ADAMTSL1: variants seen among roughly 807,000 people sequenced by gnomAD.
The protein encoded by ADAMTSL1 is ADAMTS-like protein 1.
A neutral mutation model predicts 201.8 loss-of-function variants in ADAMTSL1; 126 were observed. That is an observed-to-expected ratio of 0.62 (90% CI 0.54 to 0.72). The LOEUF (loss-of-function observed/expected upper bound fraction) is 0.72. Among genes scored for constraint, ADAMTSL1 ranks in the 30% least tolerant of loss-of-function variants. The pLI, the probability that ADAMTSL1 is intolerant of heterozygous loss-of-function variation, is 0.00. For missense variants in ADAMTSL1, 2,679 were observed against 2,277.8 expected (o/e 1.18, Z -3.59); for synonymous variants, 1,121 against 903.4 (o/e 1.24, Z -4.32).
At chr9:17,956,941 C>G (rs1200723023) in intron 1 of ADAMTSL1, among the ~76,000 whole-genome samples, 1 of 152,082 alleles carries the variant, frequency 6.6e-6, no homozygotes, top group Non-Finnish European at 1.5e-5. Flanking sequence ...CATTAGCTTG[C>G]AAGAATTAAA....
Position 18,902,034 on chromosome 9 carries a change from A to G in ADAMTSL1, c.4852-3748A>G, listed in dbSNP as rs75474599. ...CTAAATCAAACAACATAGACTATACAGTGATAAAAGGGTCAATATACCAAG... is the reference window on the plus strand; with the variant it reads ...CTAAATCAAACAACATAGACTATACGGTGATAAAAGGGTCAATATACCAAG... On this transcript the variant is annotated intron_variant, in intron 26 of 28. Coordinates refer to ENST00000380548, the MANE Select transcript of ADAMTSL1 (RefSeq NM_001040272.6). Among the ~76,000 whole-genome samples, 4 of 152,372 alleles carry G rather than the reference A, an allele frequency of 2.6e-5. No individual in the cohort carries two copies. The East Asian group carries it at 7.7e-4, about 29-fold the overall frequency.
intron 7 of ADAMTSL1, among the ~76,000 whole-genome samples, chr9:18,643,597 G>A (rs952470359): frequency 5.3e-5 from 8 of 152,112 alleles, no homozygotes; most frequent in South Asian, 2.1e-4. Context: ...TATAGTGTGA[G>A]ATACGGGTCT....
intron 2 of ADAMTSL1, among the ~76,000 whole-genome samples, chr9:18,275,877 C>T (rs1039631323): frequency 6.6e-6 from 1 of 152,014 alleles, no homozygotes; most frequent in Non-Finnish European, 1.5e-5. Flanking sequence ...TAAATCCTAC[C>T]TCAGGGTAGG....
At chr9:18,264,232 C>A (rs1832035226) in intron 2 of ADAMTSL1, among the ~76,000 whole-genome samples, 1 of 152,112 alleles carries the variant, frequency 6.6e-6, no homozygotes, top group African/African-American at 2.4e-5. Flanking sequence ...CAAATACCTT[C>A]AAATATAGTT....
At chr9:18,022,008 G>A (rs1820497427) in intron 1 of ADAMTSL1, among the ~76,000 whole-genome samples, 1 of 152,084 alleles carries the variant, frequency 6.6e-6, no homozygotes, top group Non-Finnish European at 1.5e-5. Context: ...AAGGCATGAG[G>A]AGGGTGGCGG....
At chr9:17,985,633 T>C (rs1348512659) in intron 1 of ADAMTSL1, among the ~76,000 whole-genome samples, 1 of 152,146 alleles carries the variant, frequency 6.6e-6, no homozygotes, top group African/African-American at 2.4e-5. Flanking sequence ...TAAAAATTTT[T>C]ACTCTGAATG....
intron 16 of ADAMTSL1, among the ~76,000 whole-genome samples, chr9:18,759,172 T>C (rs1819930773): frequency 1.3e-5 from 2 of 152,206 alleles, no homozygotes; most frequent in African/African-American, 4.8e-5. Context: ...AATCTCTGGA[T>C]CCCTGCCTTG....
chr9:18,610,749 G>C (rs569875425), intron 4 of ADAMTSL1, among the ~76,000 whole-genome samples: 89 of 152,240 alleles, frequency 5.8e-4, no homozygotes, highest in Admixed American at 1.5e-3. Context: ...TGGGGACATA[G>C]ATAAATCCCT....
At chr9:18,600,118 GC>G (rs968557507) in intron 4 of ADAMTSL1, among the ~76,000 whole-genome samples, 6 of 151,962 alleles carry the variant, frequency 3.9e-5, no homozygotes, top group African/African-American at 1.5e-4. Context: ...ACTCTTTGGG[GC>G]CTCTTTCACT....
intron 2 of ADAMTSL1, among the ~76,000 whole-genome samples, chr9:18,178,673 T>G (rs10122008): frequency 0.99 from 148,048 of 150,144 alleles, 73,025 homozygotes; most frequent in Middle Eastern, 1. Flanking sequence ...CACGCAGCTG[T>G]AGATCTGAGA....
chr9:18,710,925 C>G (rs1832543239), intron 14 of ADAMTSL1, among the ~76,000 whole-genome samples: 1 of 152,044 alleles, frequency 6.6e-6, no homozygotes, highest in South Asian at 2.1e-4. Flanking sequence ...TTCCCACATT[C>G]ACACCCACAG....
intron 2 of ADAMTSL1, among the ~76,000 whole-genome samples, chr9:18,321,703 G>T (rs1285996896): frequency 6.6e-6 from 1 of 152,090 alleles, no homozygotes; most frequent in East Asian, 1.9e-4. Flanking sequence ...TGAGGCAGGA[G>T]AATGACGTGA....
chr9:18,190,616 T>C (rs1236180358), intron 2 of ADAMTSL1, among the ~76,000 whole-genome samples: 1 of 152,198 alleles, frequency 6.6e-6, no homozygotes, highest in Non-Finnish European at 1.5e-5. Flanking sequence ...ACAGCAGCTT[T>C]CTCCAAATTT....
intron 1 of ADAMTSL1, among the ~76,000 whole-genome samples, chr9:18,157,638 C>G (rs1298613930): frequency 6.6e-6 from 1 of 151,974 alleles, no homozygotes; most frequent in Non-Finnish European, 1.5e-5. Flanking sequence ...GCTCTAACCT[C>G]TTAGCAATTA....
At position 18,635,981 on chromosome 9, in the gene ADAMTSL1, C is replaced by G; in HGVS notation, c.640C>G (p.His214Asp). 2 of 1,601,612 alleles carry G rather than the reference C, an allele frequency of 1.2e-6. No homozygotes were observed. The highest frequency in any genetic ancestry group is 1.7e-6 in the Non-Finnish European group (2 of 1,177,230). Residue 214 changes from histidine (H) to aspartate (D), a missense_variant, in exon 6 of 29, where the codon CAT becomes GAT. By Grantham distance (81) the His-to-Asp change is moderately conservative. Transcript: ENST00000380548. ...TVVAIPYGSR[H>D]IRLVLKGPDH... is the part of the protein sequence containing the mutation. ...GGTTGCAATTCCCTATGGAAGTAGA[C>G]ATATTCGCCTTGTCTTAAAAGGTCC...
At chr9:18,385,489 T>C (rs1837755679) in intron 2 of ADAMTSL1, among the ~76,000 whole-genome samples, 1 of 152,210 alleles carries the variant, frequency 6.6e-6, no homozygotes, top group Non-Finnish European at 1.5e-5. Flanking sequence ...AACAGTACGT[T>C]AGTCATAAAG....
rs554785160 is a variant in ADAMTSL1 at position 17,919,839 on chromosome 9, G to A, written c.87+12917G>A. 4.6e-5 allele frequency among the ~76,000 whole-genome samples: 7 copies of A among 152,188 alleles called. No homozygotes were observed. In the South Asian group the frequency reaches 1.5e-3, roughly 32 times the overall value. ...TTTATTTCTCTTGGGTATATACCTA[G>A]GAGTGTAATTGCTAGGTTAAATAGT... On this transcript the variant is annotated intron_variant, in intron 1 of 29. Coordinates refer to the ADAMTSL1 transcript ENST00000680146.
At chr9:18,363,232 C>T (rs1364256614) in intron 2 of ADAMTSL1, among the ~76,000 whole-genome samples, 1 of 152,212 alleles carries the variant, frequency 6.6e-6, no homozygotes, top group African/African-American at 2.4e-5. Context: ...GGGACCCACA[C>T]CACTCCCACC....
At chr9:18,019,045 G>A (rs929866424) in intron 1 of ADAMTSL1, among the ~76,000 whole-genome samples, 7 of 152,058 alleles carry the variant, frequency 4.6e-5, no homozygotes, top group Admixed American at 1.3e-4. Flanking sequence ...GACACTGAGA[G>A]TGAGAAAGTG....
Sources: gnomAD v4.1 joint callset for allele counts (sites outside exome capture counted in the v4.1 genomes callset) on GRCh38, gnomAD v4.1.1 for gene constraint, MANE v1.5 for transcripts, NCBI Gene and HGNC (gene_info 2026-07-23, HGNC 2026-07-21) for gene names.